FOXO4: variants seen among roughly 807,000 people sequenced by gnomAD.
The protein encoded by FOXO4 is forkhead box O4.
Under a neutral mutation model 20.8 loss-of-function variants are expected in FOXO4, and 3 were observed. That is an observed-to-expected ratio of 0.14 (90% CI 0.07 to 0.37). The LOEUF (loss-of-function observed/expected upper bound fraction) is 0.37. Ranked by LOEUF, FOXO4 falls within the 10% of genes least tolerant of loss-of-function variation. The probability of loss-of-function intolerance (pLI) is 1.00; values close to 1 mark genes in which losing one functional copy is unlikely to be tolerated. For missense variants in FOXO4, 309 were observed against 431.9 expected (o/e 0.72, Z 2.52); for synonymous variants, 158 against 180.0 (o/e 0.88, Z 0.98).
In FOXO4 at chrX:71,101,010, C is replaced by T. The variant is rs2092229760; in HGVS notation, c.780C>T (p.Ser260=). Residue 260 remains serine (S), a synonymous_variant, in exon 2 of 3, where the codon AGC becomes AGT. Transcript: ENST00000374259. ...TGTGGACCACCTTCCGTCCACGAAG[C>T]AGTTCAAATGCCAGCAGTGTCAGCA... ...ADMWTTFRPR[S]SSNASSVSTR... 8.3e-7 allele frequency: 1 copy of T among 1,209,911 alleles called. No homozygotes were observed. The highest frequency in any genetic ancestry group is 1.8e-5 in the South Asian group (1 of 56,754).
At chrX:71,097,820 G>A (rs1047851980) in intron 1 of FOXO4, among the ~76,000 whole-genome samples, 2 of 111,602 alleles carry the variant, frequency 1.8e-5, no homozygotes, top group African/African-American at 6.5e-5. Context: ...CACAAAATTG[G>A]GGAGCCTCAA....
intron 1 of FOXO4, among the ~76,000 whole-genome samples, chrX:71,100,386 AC>A (rs1209951772): frequency 3.5e-5 from 2 of 56,723 alleles, no homozygotes; most frequent in African/African-American, 1.4e-4. Context: ...CCCCACCCCT[AC>A]TTCTACCAGT....
Position 71,100,737 on chromosome X carries a change from C to T in FOXO4, c.507C>T (p.Asn169=), listed in dbSNP as rs766049304. 5.8e-6 allele frequency: 7 copies of T among 1,205,323 alleles called. No homozygotes were observed. The highest frequency in any genetic ancestry group is 5.9e-5 in the East Asian group (2 of 33,658). The change falls in exon 2 of 3, where the codon AAC becomes AAT. Residue 169 remains asparagine (N), a synonymous_variant. Transcript: ENST00000374259. The part of the protein sequence containing the change: ...SLHSKFIKVH[N]EATGKSSWWM... ...ACAGCAAGTTCATCAAGGTTCACAA[C>T]GAGGCCACCGGCAAAAGCTCTTGGT...
chrX:71,101,274 A>G lies in FOXO4; in HGVS notation c.1044A>G (p.Pro348=). 2 of 1,211,278 alleles carry G rather than the reference A, an allele frequency of 1.7e-6. No homozygotes were observed. Among genetic ancestry groups the G allele is most frequent in the East Asian group, 5.9e-5 (2 of 33,811 alleles). Residue 348 remains proline (P), a synonymous_variant, in exon 2 of 3, where the codon CCA becomes CCG. Transcript: ENST00000374259. ...CCTACAGCAGCTCCCTTTTCAGCCCAGCAGAGGGGCCCCTGTCAGCAGGAG... is the reference window on the plus strand; with the variant it reads ...CCTACAGCAGCTCCCTTTTCAGCCCGGCAGAGGGGCCCCTGTCAGCAGGAG... ...LHTYSSSLFS[P]AEGPLSAGEG...
At position 71,101,204 on chromosome X, in the gene FOXO4, C is replaced by T; in HGVS notation, c.974C>T (p.Ser325Phe). ...SHSLLSRSGLSGFSLQHPGVT... is the reference protein window; with the variant it reads ...SHSLLSRSGLFGFSLQHPGVT... ...TCCCTGCTATCTCGGAGTGGTCTCTCTGGCTTCTCTTTGCAGCATCCTGGG... is the reference window on the plus strand; with the variant it reads ...TCCCTGCTATCTCGGAGTGGTCTCTTTGGCTTCTCTTTGCAGCATCCTGGG... The change falls in exon 2 of 3, where the codon TCT becomes TTT. Residue 325 changes from serine to phenylalanine, a missense_variant. Transcript: ENST00000374259. The T allele has an allele frequency of 8.3e-7, 1 of 1,211,664 alleles. No individual in the cohort carries two copies. Among genetic ancestry groups the T allele is most frequent in the Non-Finnish European group, 1.1e-6 (1 of 895,447 alleles).
rs1042137449 is a variant in FOXO4 at position 71,096,200 on chromosome X, T to C, written c.-329T>C. 41 of 289,075 alleles carry C rather than the reference T, an allele frequency of 1.4e-4. No individual in the cohort carries two copies. The highest frequency in any genetic ancestry group is 2.2e-4 in the African/African-American group (8 of 36,084). The allele number at this position is 289,075 out of a possible 1,213,427, so 23.8% of individuals were successfully genotyped here. A position where few individuals can be genotyped will look rare whatever the true frequency, so the allele number is the denominator to read the frequency against. Reference sequence around the variant, plus strand: ...GAGACGTTCGGTGATGGGAGCGCAATATATGAGGGGATACAGTGCCTCAGG... The same window carrying C: ...GAGACGTTCGGTGATGGGAGCGCAACATATGAGGGGATACAGTGCCTCAGG... On this transcript the variant is annotated 5_prime_UTR_variant, in exon 1 of 3. Transcript: ENST00000374259.
rs370376784 is a variant in FOXO4 at position 71,101,074 on chromosome X, G to A, written c.844G>A (p.Ala282Thr). The change falls in exon 2 of 3, where the codon GCG becomes ACG. Residue 282 changes from alanine (A) to threonine (T), a missense_variant. This residue lies in a region of FOXO4 where 223 missense variants were observed against 302.7 expected (regional missense o/e 0.74). Coordinates refer to ENST00000374259, the MANE Select transcript of FOXO4 (RefSeq NM_005938.4). The stretch of plus-strand genomic sequence containing the variant: ...CTTGAGGCCAGAGTCTGAGGTGCTG[G>A]CGGAGGAAATACCAGCTTCAGTCAG... ...SPLRPESEVL[A>T]EEIPASVSSY... The A allele has an allele frequency of 6.6e-5, 80 of 1,210,146 alleles. 1 individual carries two copies. In the African/African-American group the frequency reaches 1.2e-3, roughly 17 times the overall value.
In FOXO4 at chrX:71,103,461, T is replaced by G. The variant is rs1163175941; in HGVS notation, c.*1377T>G. The G allele has an allele frequency of 6.3e-6, 1 of 159,879 alleles. No homozygotes were observed. The highest frequency in any genetic ancestry group is 3.1e-5 in the African/African-American group (1 of 32,559). 13.2% of individuals were successfully genotyped at this position (159,879 alleles called of 1,213,427 possible). ...CAGCGCCTGGCCTACCCAGATTGTA[T>G]CATGTGCTAGATTGGAGTGGGGAAG... On this transcript the variant is annotated 3_prime_UTR_variant, in exon 3 of 3. Coordinates refer to ENST00000374259, the MANE Select transcript of FOXO4 (RefSeq NM_005938.4).
chrX:71,097,062 C>G, intron 1 of FOXO4, 81 bp downstream of exon 1: 1 of 823,952 alleles, frequency 1.2e-6, no homozygotes, highest in Non-Finnish European at 1.7e-6. Flanking sequence ...ACTCTGGGGC[C>G]CCTTTTACTA....
chrX:71,100,594 A>C (rs755528888), intron 1 of FOXO4, 90 bp from the exon 2 acceptor site: 1 of 661,670 alleles, frequency 1.5e-6, no homozygotes, highest in East Asian at 3.7e-5. Flanking sequence ...CTAGATCATC[A>C]GGGTCCAGCA....
chrX:71,098,639 T>G (rs1256805254), intron 1 of FOXO4, among the ~76,000 whole-genome samples: 1 of 111,971 alleles, frequency 8.9e-6, no homozygotes, highest in Non-Finnish European at 1.9e-5. Flanking sequence ...ACCTCTCCAA[T>G]TAAGAGTCTG....
Position 71,096,748 on chromosome X carries a change from C to G in FOXO4, c.220C>G (p.Pro74Ala). 1 of 1,199,383 alleles carries G rather than the reference C, an allele frequency of 8.3e-7. No homozygotes were observed. The highest frequency in any genetic ancestry group is 1.1e-6 in the Non-Finnish European group (1 of 888,872). Residue 74 changes from proline to alanine, a missense_variant, in exon 1 of 3, where the codon CCA (proline) becomes GCA (alanine). Pro to Ala is a conservative substitution (Grantham distance 27, BLOSUM62 -1). Transcript: ENST00000374259. ...SEPILLPSRLPEPAGGPQPGI... is the reference protein window; with the variant it reads ...SEPILLPSRLAEPAGGPQPGI... Reference sequence around the variant, plus strand: ...GCCGATCCTGTTGCCCTCTCGGCTCCCAGAGCCGGCCGGGGGCCCCCAGCC... The same window carrying G: ...GCCGATCCTGTTGCCCTCTCGGCTCGCAGAGCCGGCCGGGGGCCCCCAGCC...
Position 71,102,420 on chromosome X carries a change from A to T in FOXO4, c.*336A>T. ...GCAATGCTGTTGGAAATGTGAAGTC[A>T]CCAGTGGCCTTACCCCTGCCTTTGG... On this transcript the variant is annotated 3_prime_UTR_variant, in exon 3 of 3. Transcript: ENST00000374259. 3.2e-6 allele frequency: 1 copy of T among 312,335 alleles called. No individual in the cohort carries two copies. The highest frequency in any genetic ancestry group is 5.6e-6 in the Non-Finnish European group (1 of 178,325). 25.7% of individuals were successfully genotyped at this position (312,335 alleles called of 1,213,427 possible). A position where few individuals can be genotyped will look rare whatever the true frequency, so the allele number is the denominator to read the frequency against.
At chrX:71,099,974 G>C (rs1028548542) in intron 1 of FOXO4, among the ~76,000 whole-genome samples, 8 of 112,353 alleles carry the variant, frequency 7.1e-5, no homozygotes, top group Admixed American at 1.9e-4. Context: ...CTGCTGTGCT[G>C]AGATTCCAGC....
At position 71,103,295 on chromosome X, in the gene FOXO4, T is replaced by A. The variant is rs2092236804; in HGVS notation, c.*1211T>A. 2 of 164,481 alleles carry A rather than the reference T, an allele frequency of 1.2e-5. No homozygotes were observed. Among genetic ancestry groups the A allele is most frequent in the African/African-American group, 6.2e-5 (2 of 32,494 alleles). 13.6% of individuals were successfully genotyped at this position (164,481 alleles called of 1,213,427 possible). ...AAATGAGCAGGGATGGGGGGGGATG[T>A]GGATCAGGTTTACTAGCACCTGCCA... On this transcript the variant is annotated 3_prime_UTR_variant, in exon 3 of 3. Coordinates refer to ENST00000374259, the MANE Select transcript of FOXO4 (RefSeq NM_005938.4).
rs750614723 is a variant in FOXO4 at position 71,101,235 on chromosome X, C to T, written c.1005C>T (p.Thr335=). 1.7e-5 allele frequency: 20 copies of T among 1,211,402 alleles called. No homozygotes were observed. Among genetic ancestry groups the T allele is most frequent in the South Asian group, 7.0e-5 (4 of 56,952 alleles). ...TCTCTTTGCAGCATCCTGGGGTTAC[C>T]GGCCCCTTACACACCTACAGCAGCT... ...SGFSLQHPGV[T]GPLHTYSSSL... The change falls in exon 2 of 3, where the codon ACC becomes ACT. Residue 335 remains threonine (T), a synonymous_variant. Transcript: ENST00000374259.
rs1384280261 is a variant in FOXO4, at chrX:71,101,299, G to C, written c.1069G>C (p.Glu357Gln). 16 of 1,209,370 alleles carry C rather than the reference G, an allele frequency of 1.3e-5. No individual in the cohort carries two copies. The highest frequency in any genetic ancestry group is 1.8e-5 in the Non-Finnish European group (16 of 894,933). ...SPAEGPLSAGEGCFSSSQALE... is the reference protein window; with the variant it reads ...SPAEGPLSAGQGCFSSSQALE... ...AGCAGAGGGGCCCCTGTCAGCAGGA[G>C]AAGGGTGCTTCTCCAGCTCCCAGGC... Residue 357 changes from glutamate (E) to glutamine (Q), a missense_variant, in exon 2 of 3, where the codon GAA (glutamate) becomes CAA (glutamine). Coordinates refer to ENST00000374259, the MANE Select transcript of FOXO4 (RefSeq NM_005938.4).
Position 71,101,213 on chromosome X carries a change from C to G in FOXO4, c.983C>G (p.Ser328Cys). 5.0e-6 allele frequency: 6 copies of G among 1,211,674 alleles called. No homozygotes were observed. Among genetic ancestry groups the G allele is most frequent in the Non-Finnish European group, 6.7e-6 (6 of 895,451 alleles). Residue 328 changes from serine to cysteine, a missense_variant, in exon 2 of 3, where the codon TCT becomes TGT. Around this residue, in one of 3 missense-constraint regions of FOXO4, gnomAD observed 223 missense variants for 302.7 expected, o/e 0.74. Transcript: ENST00000374259. ...TCTCGGAGTGGTCTCTCTGGCTTCT[C>G]TTTGCAGCATCCTGGGGTTACCGGC... ...LLSRSGLSGF[S>C]LQHPGVTGPL...
At position 71,096,648 on chromosome X, in the gene FOXO4, C is replaced by T. The variant is rs1602281248; in HGVS notation, c.120C>T (p.Ile40=). The change falls in exon 1 of 3, where the codon ATC becomes ATT. Residue 40 remains isoleucine, a synonymous_variant. Transcript: ENST00000374259. ...CCTGGCCCCTTCCCCGACCAGAGAT[C>T]GCTAACCAGCCGTCCGAGCCGCCCG... is the stretch of plus-strand genomic sequence containing the variant. ...SCTWPLPRPE[I]ANQPSEPPEV... The T allele has an allele frequency of 8.3e-7, 1 of 1,210,740 alleles. No homozygotes were observed. Among genetic ancestry groups the T allele is most frequent in the Non-Finnish European group, 1.1e-6 (1 of 894,936 alleles).
Sources: gnomAD v4.1 joint callset for allele counts (sites outside exome capture counted in the v4.1 genomes callset) on GRCh38, gnomAD v4.1.1 for gene constraint, gnomAD v4.1.1 regional missense constraint, MANE v1.5 for transcripts, NCBI Gene and HGNC (gene_info 2026-07-23, HGNC 2026-07-21) for gene names.